AFAP1L2: variants seen among roughly 807,000 people sequenced by gnomAD.
AFAP1L2 encodes the protein actin filament associated protein 1 like 2, also known as actin filament-associated protein 1-like 2.
AFAP1L2 carries 46 observed loss-of-function variants against 99.3 expected under a neutral mutation model. That is an observed-to-expected ratio of 0.46 (90% CI 0.37 to 0.59). AFAP1L2 has a LOEUF of 0.59. Among genes scored for constraint, AFAP1L2 ranks in the 20% least tolerant of loss-of-function variants. The pLI is 0.00. For synonymous variants in AFAP1L2, 397 were observed against 419.1 expected, an observed-to-expected ratio of 0.95 and a Z score of 0.64; for missense variants, 959 against 1,034.9, an observed-to-expected ratio of 0.93 and a Z score of 1.01.
chr10:114,287,209 C>T, the AFAP1L2 span, among the ~76,000 whole-genome samples: 1 of 152,170 alleles, frequency 6.6e-6, no homozygotes, highest in African/African-American at 2.4e-5. Flanking sequence ...GAGACAGGGT[C>T]TTGCTCTGTT....
chr10:114,301,623 T>C (rs759975055), intron 12 of AFAP1L2, 158 bp from the exon 13 acceptor site: 9 of 599,016 alleles, frequency 1.5e-5, no homozygotes, highest in Non-Finnish European at 2.7e-5. Context: ...TGAGGGCACC[T>C]CCTCCCTCTT....
At chr10:114,324,399 C>G (rs1347802412) in intron 4 of AFAP1L2, among the ~76,000 whole-genome samples, 4 of 8,456 alleles carry the variant, frequency 4.7e-4, no homozygotes, top group South Asian at 6.5e-3. Context: ...GTGCACCACC[C>G]CCCCCCCCCC....
Position 114,314,053 on chromosome 10 carries a change from G to A in AFAP1L2, c.613-3C>T. On this transcript the variant is annotated splice_region_variant and splice_polypyrimidine_tract_variant and intron_variant, in intron 6 of 18. Transcript: ENST00000304129. The stretch of plus-strand genomic sequence containing the variant: ...TGGTCCTTGGAGGATTTGTAGCACT[G>A]GAAGGAAAGAGAGAAGATACACCAC... 6.2e-7 allele frequency: 1 copy of A among 1,607,620 alleles called. No homozygotes were observed. Among genetic ancestry groups the A allele is most frequent in the Non-Finnish European group, 8.5e-7 (1 of 1,174,842 alleles).
chr10:114,302,343 G>T lies in AFAP1L2; in HGVS notation c.1426C>A (p.Leu476Ile), dbSNP rs757086196. The stretch of plus-strand genomic sequence containing the variant: ...GGAAGGGTCCAAATTACTCACAAGA[G>T]AGAGTTTTTGGCCGCACTCACAATA... ...SCIVSAAKNS[L>I]LLMQRKFSEP... Residue 476 changes from leucine to isoleucine, a missense_variant, in exon 12 of 19, where the codon CTC becomes ATC. By Grantham distance (5) the Leu-to-Ile change is conservative. Around this residue, in one of 2 missense-constraint regions of AFAP1L2, gnomAD observed 576 missense variants for 562.1 expected, o/e 1.02. Coordinates refer to ENST00000304129, the MANE Select transcript of AFAP1L2 (RefSeq NM_001001936.3). The T allele has an allele frequency of 4.8e-5, 78 of 1,614,038 alleles. No individual in the cohort carries two copies. The highest frequency in any genetic ancestry group is 8.0e-5 in the African/African-American group (6 of 74,916).
At chr10:114,355,137 C>T (rs966287537) in intron 1 of AFAP1L2, among the ~76,000 whole-genome samples, 38 of 152,110 alleles carry the variant, frequency 2.5e-4, no homozygotes, top group Non-Finnish European at 5.4e-4. Flanking sequence ...CAACAAACAC[C>T]GAGGGGTATG....
chr10:114,319,787 C>T, intron 5 of AFAP1L2: 2 of 453,890 alleles, frequency 4.4e-6, no homozygotes, highest in South Asian at 3.8e-5. Flanking sequence ...TAGTGCTTGC[C>T]CATCAGAGGT....
Position 114,295,570 on chromosome 10 carries a change from G to A in AFAP1L2, c.*472C>T, listed in dbSNP as rs2040078853. On this transcript the variant is annotated 3_prime_UTR_variant, in exon 19 of 19. Transcript: ENST00000304129. Reference sequence around the variant, plus strand: ...GGGCCTGGTAATATTGGAGAGAACTGAAGGCAAGGATGGTTTAATCCCCAA... The same window carrying A: ...GGGCCTGGTAATATTGGAGAGAACTAAAGGCAAGGATGGTTTAATCCCCAA... 1 of 986,878 alleles carries A rather than the reference G, an allele frequency of 1.0e-6. No homozygotes were observed. The highest frequency in any genetic ancestry group is 1.1e-4 in the East Asian group (1 of 8,860). 61.1% of individuals were successfully genotyped at this position (986,878 alleles called of 1,614,324 possible).
intron 1 of AFAP1L2, among the ~76,000 whole-genome samples, chr10:114,361,987 A>T (rs1208596723): frequency 6.6e-6 from 1 of 152,064 alleles, no homozygotes; most frequent in Non-Finnish European, 1.5e-5. Flanking sequence ...CAGCTATTCA[A>T]TTTTTTCTTT....
downstream of AFAP1L2, among the ~76,000 whole-genome samples, chr10:114,292,018 C>T (rs472134): frequency 1 from 152,306 of 152,306 alleles, 76,153 homozygotes; most frequent in Non-Finnish European, 1. Flanking sequence ...TGGCTCATGC[C>T]TGTAATCCCA....
intron 10 of AFAP1L2, among the ~76,000 whole-genome samples, chr10:114,305,813 C>G (rs1344393048): frequency 8.5e-6 from 1 of 117,214 alleles, no homozygotes; most frequent in African/African-American, 3.4e-5. Context: ...GTCGGGGCTG[C>G]AGGAGGGGAG....
chr10:114,305,956 GCAGGGGGGGTGCAGGTA>G, intron 10 of AFAP1L2, among the ~76,000 whole-genome samples: 1 of 93,050 alleles, frequency 1.1e-5, no homozygotes, highest in African/African-American at 4.3e-5. Context: ...AGATGCAGAT[GCAGGGGGGGTGCAGGTA>G]CAGGAGGGGT....
intron 1 of AFAP1L2, among the ~76,000 whole-genome samples, chr10:114,372,192 T>G (rs1026471920): frequency 3.9e-5 from 6 of 152,208 alleles, no homozygotes; most frequent in Non-Finnish European, 5.9e-5. Context: ...CTGGAGAGGT[T>G]AACCCCAGAT....
intron 1 of AFAP1L2, among the ~76,000 whole-genome samples, chr10:114,403,269 G>A (rs891459289): frequency 6.6e-6 from 1 of 152,126 alleles, no homozygotes; most frequent in Non-Finnish European, 1.5e-5. Context: ...TCTGGGACTT[G>A]GATCTTTTGC....
chr10:114,305,459 GTGCAGGAGGGGACGCAGA>G (rs2042075801), intron 10 of AFAP1L2, among the ~76,000 whole-genome samples: 3 of 77,270 alleles, frequency 3.9e-5, no homozygotes, highest in South Asian at 5.2e-4. Flanking sequence ...GGGGACGCAG[GTGCAGGAGGGGACGCAGA>G]TGCAGGAGGG....
chr10:114,312,234 AGTGTGTGTGT>A lies in AFAP1L2; in HGVS notation c.792+1627_792+1636del, dbSNP rs58275552. ...AGCGGGGAACTGGGGGCAAGAGCAG[AGTGTGTGTGT>A]GTGTGTGTGTGTGTGTGTGTGTGTG... On this transcript the variant is annotated intron_variant, in intron 7 of 18. Transcript: ENST00000304129. Among the ~76,000 whole-genome samples the A allele has an allele frequency of 5.8e-3, 838 of 145,590 alleles. 2 individuals carry two copies. The highest frequency in any genetic ancestry group is 6.0e-3 in the Non-Finnish European group (397 of 66,688).
chr10:114,370,336 G>C (rs1356534106), intron 1 of AFAP1L2, among the ~76,000 whole-genome samples: 1 of 152,174 alleles, frequency 6.6e-6, no homozygotes, highest in African/African-American at 2.4e-5. Context: ...CTATTTTCGT[G>C]GTTGCTAAAA....
intron 10 of AFAP1L2, among the ~76,000 whole-genome samples, chr10:114,306,019 A>G (rs1172614016): frequency 4.2e-5 from 4 of 94,618 alleles, no homozygotes; most frequent in African/African-American, 1.4e-4. Flanking sequence ...GCAGGAGGGG[A>G]CGCAGATGCA....
intron 1 of AFAP1L2, among the ~76,000 whole-genome samples, chr10:114,341,223 T>C (rs569969973): frequency 1.3e-5 from 2 of 152,306 alleles, no homozygotes; most frequent in East Asian, 3.9e-4. Flanking sequence ...CTTTGTAAAG[T>C]TCCTTCCAGT....
chr10:114,299,132 G>A, intron 16 of AFAP1L2, 128 bp downstream of exon 16: 1 of 1,116,578 alleles, frequency 9.0e-7, no homozygotes, highest in Non-Finnish European at 1.3e-6. Context: ...CACCCACCCA[G>A]GCCAAGGGTT....
Sources: allele counts gnomAD v4.1 joint callset (sites outside exome capture counted in the v4.1 genomes callset), GRCh38; gene constraint gnomAD v4.1.1; regional missense constraint gnomAD v4.1.1; transcripts MANE v1.5; gene names NCBI Gene and HGNC (gene_info 2026-07-23, HGNC 2026-07-21).